SCLT1: variants seen among roughly 807,000 people sequenced by gnomAD.
SCLT1 encodes sodium channel-associated protein 1.
SCLT1 carries 78 observed loss-of-function variants against 112.8 expected under a neutral mutation model. That is an observed-to-expected ratio of 0.69 (90% CI 0.58 to 0.83). The LOEUF (loss-of-function observed/expected upper bound fraction) is 0.83, where lower values mean the gene tolerates loss of function less well. Ranked by LOEUF, SCLT1 falls within the 40% of genes least tolerant of loss-of-function variation. The probability of loss-of-function intolerance (pLI) is 0.00; values close to 1 mark genes in which losing one functional copy is unlikely to be tolerated. For synonymous variants in SCLT1, 257 were observed against 254.7 expected (o/e 1.01, Z -0.09); for missense variants, 747 against 770.4 (o/e 0.97, Z 0.36).
downstream of SCLT1, among the ~76,000 whole-genome samples, chr4:128,879,214 T>C (rs987284789): frequency 6.6e-6 from 1 of 152,216 alleles, no homozygotes; most frequent in African/African-American, 2.4e-5. Context: ...ATTTGGCATC[T>C]ATATGTTCAA....
At chr4:129,066,604 C>T (rs1757938) in intron 2 of SCLT1, among the ~76,000 whole-genome samples, 81,324 of 151,728 alleles carry the variant, frequency 0.54, 24,614 homozygotes, top group South Asian at 0.68. Context: ...GAAACATTAT[C>T]GCAAAATTAA....
chr4:129,026,106 C>G (rs1746044818), intron 5 of SCLT1, among the ~76,000 whole-genome samples: 1 of 152,126 alleles, frequency 6.6e-6, no homozygotes, highest in Admixed American at 6.6e-5. Context: ...TAATGGGAGA[C>G]TTTAACACCC....
intron 7 of SCLT1, among the ~76,000 whole-genome samples, chr4:128,998,554 G>A (rs1900397): frequency 0.27 from 41,064 of 151,702 alleles, 5,966 homozygotes; most frequent in South Asian, 0.35. Flanking sequence ...ATCAAACTAT[G>A]TAGCTATAGT....
At chr4:128,927,225 A>T (rs1475843290) in intron 18 of SCLT1, among the ~76,000 whole-genome samples, 1 of 152,140 alleles carries the variant, frequency 6.6e-6, no homozygotes, top group African/African-American at 2.4e-5. Flanking sequence ...TAAGAACTTT[A>T]GAATTTATAT....
At chr4:128,903,585 C>T (rs1325553944) in intron 18 of SCLT1, among the ~76,000 whole-genome samples, 1 of 150,904 alleles carries the variant, frequency 6.6e-6, no homozygotes, top group Non-Finnish European at 1.5e-5. Flanking sequence ...TATTTATATT[C>T]TTCTTTCTCC....
At chr4:129,080,758 A>T (rs1258005148) in intron 2 of SCLT1, among the ~76,000 whole-genome samples, 1 of 152,180 alleles carries the variant, frequency 6.6e-6, no homozygotes, top group Non-Finnish European at 1.5e-5. Context: ...ACCAATGCCC[A>T]TTCACTGGTA....
intron 5 of SCLT1, among the ~76,000 whole-genome samples, chr4:129,008,878 T>A (rs1744265730): frequency 6.6e-6 from 1 of 152,184 alleles, no homozygotes; most frequent in Non-Finnish European, 1.5e-5. Flanking sequence ...TGTGTTCTCA[T>A]CATTTAGCTC....
At chr4:128,931,288 G>A (rs1736738562) in intron 18 of SCLT1, among the ~76,000 whole-genome samples, 1 of 152,038 alleles carries the variant, frequency 6.6e-6, no homozygotes, top group African/African-American at 2.4e-5. Context: ...GAGCAAATCA[G>A]AATAATCTCT....
At chr4:129,049,819 C>A (rs1748586783) in intron 2 of SCLT1, among the ~76,000 whole-genome samples, 1 of 151,818 alleles carries the variant, frequency 6.6e-6, no homozygotes, top group Non-Finnish European at 1.5e-5. Flanking sequence ...GTTTGCTGCA[C>A]CTATCAACCC....
intron 16 of SCLT1, 106 bp from the exon 17 acceptor site, chr4:128,943,294 G>T: frequency 1.3e-6 from 1 of 771,108 alleles, no homozygotes; most frequent in Non-Finnish European, 2.0e-6. Context: ...GCTTTATTCT[G>T]AGCCATTTCT....
At chr4:128,887,218 T>C (rs1732957320) in intron 20 of SCLT1, among the ~76,000 whole-genome samples, 1 of 152,202 alleles carries the variant, frequency 6.6e-6, no homozygotes, top group Non-Finnish European at 1.5e-5. Flanking sequence ...TGCACCTAAC[T>C]TCTGTTACCT....
intron 10 of SCLT1, among the ~76,000 whole-genome samples, chr4:128,969,354 C>G (rs914539662): frequency 6.6e-6 from 1 of 152,080 alleles, no homozygotes; most frequent in Non-Finnish European, 1.5e-5. Flanking sequence ...AGGCAGATCA[C>G]AAGGTCAGGA....
intron 10 of SCLT1, among the ~76,000 whole-genome samples, chr4:128,968,887 A>G (rs1159205951): frequency 6.6e-6 from 1 of 152,208 alleles, no homozygotes; most frequent in East Asian, 1.9e-4. Flanking sequence ...AGATTTGGGC[A>G]GAGTTAGGGC....
chr4:128,934,384 C>G (rs958478224), intron 18 of SCLT1, among the ~76,000 whole-genome samples: 1 of 151,760 alleles, frequency 6.6e-6, no homozygotes, highest in Non-Finnish European at 1.5e-5. Context: ...TAATATACTT[C>G]AGATATTGCT....
chr4:128,980,103 A>G (rs140369770), intron 9 of SCLT1, among the ~76,000 whole-genome samples: 1 of 152,316 alleles, frequency 6.6e-6, no homozygotes, highest in East Asian at 1.9e-4. Flanking sequence ...CTGCCAACAC[A>G]TAAGGAACTG....
At chr4:128,918,663 C>T (rs756333121) in intron 18 of SCLT1, among the ~76,000 whole-genome samples, 5 of 152,056 alleles carry the variant, frequency 3.3e-5, no homozygotes, top group Non-Finnish European at 7.4e-5. Flanking sequence ...GAAGCAAGAC[C>T]CAACTGTATG....
chr4:128,924,388 C>A (rs1736131229), intron 18 of SCLT1, among the ~76,000 whole-genome samples: 1 of 152,042 alleles, frequency 6.6e-6, no homozygotes, highest in Non-Finnish European at 1.5e-5. Context: ...CGCTCTTCAG[C>A]TTCCTGAGTA....
chr4:128,933,957 A>G (rs1736980826), intron 18 of SCLT1, among the ~76,000 whole-genome samples: 1 of 152,040 alleles, frequency 6.6e-6, no homozygotes, highest in Non-Finnish European at 1.5e-5. Flanking sequence ...CAGTCTAATT[A>G]CTATGTTTAA....
chr4:129,076,759 A>G (rs534646710), intron 2 of SCLT1, among the ~76,000 whole-genome samples: 58 of 152,214 alleles, frequency 3.8e-4, no homozygotes, highest in Admixed American at 7.2e-4. Flanking sequence ...ATCTTTTTCT[A>G]ATCTTGAATA....
Sources: allele counts gnomAD v4.1 joint callset (sites outside exome capture counted in the v4.1 genomes callset), GRCh38; gene constraint gnomAD v4.1.1; transcripts MANE v1.5; gene names NCBI Gene and HGNC (gene_info 2026-07-23, HGNC 2026-07-21).